KIFAP3: variants seen among roughly 807,000 people sequenced by gnomAD.
KIFAP3 encodes the protein kinesin-associated protein 3.
Under a neutral mutation model 106.5 loss-of-function variants are expected in KIFAP3, and 68 were observed. The ratio of observed to expected loss-of-function variants is 0.64; its 90% CI spans 0.53 to 0.78. The LOEUF is 0.78. Ranked by LOEUF, KIFAP3 falls within the 30% of genes least tolerant of loss-of-function variation. The pLI is 0.00. For synonymous variants in KIFAP3, 320 were observed against 311.5 expected (o/e 1.03, Z -0.29); for missense variants, 780 against 941.8 (o/e 0.83, Z 2.25).
At chr1:170,072,997 G>A (rs1009554703) in intron 1 of KIFAP3, among the ~76,000 whole-genome samples, 3 of 152,184 alleles carry the variant, frequency 2.0e-5, no homozygotes, top group Non-Finnish European at 4.4e-5. Context: ...AATAGGTTGA[G>A]AATTATAAGT....
At chr1:169,984,816 T>A (rs1666732181) in intron 11 of KIFAP3, 126 bp from the exon 12 acceptor site, 2 of 545,294 alleles carry the variant, frequency 3.7e-6, no homozygotes, top group South Asian at 5.7e-5. Context: ...TTATTTACAT[T>A]TCAACACATA....
chr1:170,045,953 C>T (rs1670225497), intron 3 of KIFAP3, among the ~76,000 whole-genome samples: 2 of 151,954 alleles, frequency 1.3e-5, no homozygotes, highest in African/African-American at 4.8e-5. Flanking sequence ...TTTTCAGACC[C>T]TGAGTTGCAG....
chr1:169,926,701 A>G (rs1558167899), intron 19 of KIFAP3, among the ~76,000 whole-genome samples: 1 of 150,846 alleles, frequency 6.6e-6, no homozygotes, highest in African/African-American at 2.5e-5. Context: ...ACACACACAC[A>G]CACATTCAAA....
intron 2 of KIFAP3, among the ~76,000 whole-genome samples, chr1:170,047,124 T>C (rs1276717616): frequency 1.3e-5 from 2 of 152,230 alleles, no homozygotes; most frequent in Non-Finnish European, 2.9e-5. Context: ...TCAGAGATTC[T>C]GTTTTAAAAC....
At chr1:170,025,104 G>A (rs922942545) in intron 8 of KIFAP3, among the ~76,000 whole-genome samples, 1 of 152,042 alleles carries the variant, frequency 6.6e-6, no homozygotes, top group Non-Finnish European at 1.5e-5. Flanking sequence ...CTTTTCATAT[G>A]CAAACTGATT....
chr1:169,935,636 C>A (rs1025634445), intron 19 of KIFAP3, among the ~76,000 whole-genome samples: 1 of 151,912 alleles, frequency 6.6e-6, no homozygotes, highest in South Asian at 2.1e-4. Flanking sequence ...TATTTAAAAT[C>A]TTTAGCTTAT....
At chr1:170,007,691 A>G (rs9426888) in intron 10 of KIFAP3, among the ~76,000 whole-genome samples, 9,592 of 152,104 alleles carry the variant, frequency 0.063, 388 homozygotes, top group Non-Finnish European at 0.095. Flanking sequence ...TGGCCATACT[A>G]CCCAAAGTAA....
intron 3 of KIFAP3, among the ~76,000 whole-genome samples, chr1:170,043,883 A>G (rs151296934): frequency 3.8e-4 from 58 of 152,336 alleles, no homozygotes; most frequent in African/African-American, 1.3e-3. Flanking sequence ...AAAGGGTACC[A>G]AATCAGTTTT....
intron 11 of KIFAP3, among the ~76,000 whole-genome samples, chr1:169,991,727 T>C (rs1304378147): frequency 3.9e-5 from 6 of 152,110 alleles, no homozygotes; most frequent in Admixed American, 1.3e-4. Context: ...TTCATTTTTA[T>C]GTGATAAATG....
chr1:169,958,601 CTA>C (rs985475851), intron 18 of KIFAP3, among the ~76,000 whole-genome samples: 7 of 152,138 alleles, frequency 4.6e-5, no homozygotes, highest in African/African-American at 1.7e-4. Context: ...AGTATGAAAA[CTA>C]TGTTTTTTAC....
intron 8 of KIFAP3, among the ~76,000 whole-genome samples, chr1:170,030,500 G>C (rs185326450): frequency 6.6e-6 from 1 of 151,874 alleles, no homozygotes; most frequent in East Asian, 1.9e-4. Flanking sequence ...AAAAGAAAGC[G>C]TATGTCCATA....
chr1:169,934,871 C>G lies in KIFAP3; in HGVS notation c.2274-13090G>C, dbSNP rs551158686. Among the ~76,000 whole-genome samples, 3 of 152,204 alleles carry G rather than the reference C, an allele frequency of 2.0e-5. No individual in the cohort carries two copies. In the South Asian group the frequency reaches 6.2e-4, roughly 32 times the overall value. On this transcript the variant is annotated intron_variant, in intron 19 of 19. Transcript: ENST00000361580. Reference sequence around the variant, plus strand: ...TACTTGCTGATGGCAAACAGTATCTCCCTTCCCCAGAGTTTGTTGGGGGAT... The same window carrying G: ...TACTTGCTGATGGCAAACAGTATCTGCCTTCCCCAGAGTTTGTTGGGGGAT...
chr1:169,996,386 A>T (rs1438465498), intron 10 of KIFAP3, among the ~76,000 whole-genome samples: 1 of 152,232 alleles, frequency 6.6e-6, no homozygotes, highest in Non-Finnish European at 1.5e-5. Flanking sequence ...GGCTATGGAC[A>T]ACTAATCTTT....
intron 10 of KIFAP3, among the ~76,000 whole-genome samples, chr1:170,001,286 T>C (rs1472105100): frequency 6.6e-6 from 1 of 152,136 alleles, no homozygotes; most frequent in Non-Finnish European, 1.5e-5. Flanking sequence ...GTCCAAATCA[T>C]TGACTTAATA....
intron 3 of KIFAP3, among the ~76,000 whole-genome samples, chr1:170,044,068 T>G (rs552988310): frequency 6.6e-6 from 1 of 152,148 alleles, no homozygotes; most frequent in Non-Finnish European, 1.5e-5. Flanking sequence ...AAATCCCTTT[T>G]CACAGGAGAG....
chr1:169,959,839 C>T (rs1397317696), intron 18 of KIFAP3, among the ~76,000 whole-genome samples: 1 of 152,036 alleles, frequency 6.6e-6, no homozygotes, highest in East Asian at 1.9e-4. Context: ...ATGTAAGGAA[C>T]AGCTGTTTGC....
chr1:169,946,941 T>C (rs1664472144), intron 19 of KIFAP3, among the ~76,000 whole-genome samples: 1 of 151,942 alleles, frequency 6.6e-6, no homozygotes, highest in Admixed American at 6.5e-5. Context: ...GCTTTGATTT[T>C]TTCCTCATTA....
intron 19 of KIFAP3, among the ~76,000 whole-genome samples, chr1:169,939,709 G>A (rs1222722135): frequency 6.6e-6 from 1 of 152,130 alleles, no homozygotes. Flanking sequence ...AAAGAACATT[G>A]GGAAGAAATG....
chr1:170,072,734 T>C (rs996977409), intron 1 of KIFAP3, among the ~76,000 whole-genome samples: 1 of 151,832 alleles, frequency 6.6e-6, no homozygotes, highest in African/African-American at 2.4e-5. Flanking sequence ...CAAAAAACAA[T>C]AATTAAAATT....
Sources: allele counts gnomAD v4.1 joint callset (sites outside exome capture counted in the v4.1 genomes callset), GRCh38; gene constraint gnomAD v4.1.1; transcripts MANE v1.5; gene names NCBI Gene and HGNC (gene_info 2026-07-23, HGNC 2026-07-21).